The following LRRC4C variants were observed in gnomAD, a reference collection of about 807,000 sequenced individuals.
LRRC4C encodes the protein leucine-rich repeat-containing protein 4C.
LRRC4C carries 5 observed loss-of-function variants against 33.6 expected under a neutral mutation model. That is an observed-to-expected ratio of 0.15 (90% CI 0.08 to 0.31). LRRC4C has a LOEUF of 0.31. Ranked by LOEUF, LRRC4C falls within the 10% of genes least tolerant of loss-of-function variation. LRRC4C has a pLI of 1.00. For synonymous variants in LRRC4C, 329 were observed against 302.0 expected (o/e 1.09, Z -0.93); for missense variants, 560 against 796.7 (o/e 0.70, Z 3.58).
rs144857042 is a variant in LRRC4C at position 40,159,407 on chromosome 11, G to C, written c.-95-18554C>G. The stretch of plus-strand genomic sequence containing the variant: ...TAAGAATAGTCTAAAAATGCAATAA[G>C]AGCCCTTATACAAGGTCACAAACAT... On this transcript the variant is annotated intron_variant, in intron 5 of 6. Coordinates refer to ENST00000528697, the MANE Select transcript of LRRC4C (RefSeq NM_001258419.2). Among the ~76,000 whole-genome samples, 9 of 152,244 alleles carry C rather than the reference G, an allele frequency of 5.9e-5. No individual in the cohort carries two copies. The East Asian group carries it at 1.7e-3, about 29-fold the overall frequency.
chr11:40,595,048 A>G (rs1959200229), intron 3 of LRRC4C, among the ~76,000 whole-genome samples: 1 of 152,120 alleles, frequency 6.6e-6, no homozygotes, highest in Non-Finnish European at 1.5e-5. Context: ...ATATGGGTTT[A>G]TCAGACTTTA....
At chr11:40,490,963 G>T (rs754571000) in intron 3 of LRRC4C, among the ~76,000 whole-genome samples, 11 of 152,038 alleles carry the variant, frequency 7.2e-5, no homozygotes, top group Non-Finnish European at 1.2e-4. Flanking sequence ...GAAAAATTAT[G>T]TGTGGAAATG....
intron 2 of LRRC4C, among the ~76,000 whole-genome samples, chr11:40,746,243 A>G (rs1948412217): frequency 1.3e-5 from 2 of 152,038 alleles, no homozygotes; most frequent in African/African-American, 4.8e-5. Flanking sequence ...CTGTCAGGAG[A>G]CTGTGCAACG....
At chr11:40,416,648 AG>A (rs536809354) in intron 3 of LRRC4C, among the ~76,000 whole-genome samples, 84 of 152,314 alleles carry the variant, frequency 5.5e-4, no homozygotes, top group Non-Finnish European at 1.1e-3. Flanking sequence ...CCTGGCACTA[AG>A]TGACTTGCTG....
At chr11:40,156,822 T>C (rs1398147028) in intron 5 of LRRC4C, among the ~76,000 whole-genome samples, 3 of 152,148 alleles carry the variant, frequency 2.0e-5, no homozygotes, top group Non-Finnish European at 4.4e-5. Context: ...ATGAATATTG[T>C]GAAAATGAGT....
Position 40,690,203 on chromosome 11 carries a change from AT to A in LRRC4C, c.-406-41926del, listed in dbSNP as rs533412622. On this transcript the variant is annotated intron_variant, in intron 2 of 6. Coordinates refer to ENST00000528697, the MANE Select transcript of LRRC4C (RefSeq NM_001258419.2). ...ATTAAGGGCTTACAGTGAACTAGAC[AT>A]TTTTTTATGAGTTTTTCACGTACTT... Among the ~76,000 whole-genome samples the A allele has an allele frequency of 5.3e-3, 813 of 152,144 alleles. 5 individuals carry two copies. Among genetic ancestry groups the A allele is most frequent in the Non-Finnish European group, 7.1e-3 (484 of 67,982 alleles).
chr11:40,645,809 C>A (rs539930656), intron 3 of LRRC4C, among the ~76,000 whole-genome samples: 1 of 152,294 alleles, frequency 6.6e-6, no homozygotes, highest in South Asian at 2.1e-4. Context: ...CCCCAGCTGG[C>A]AGCCTCTCCT....
At chr11:40,887,235 T>C (rs893150573) in intron 2 of LRRC4C, among the ~76,000 whole-genome samples, 2 of 151,844 alleles carry the variant, frequency 1.3e-5, no homozygotes, top group African/African-American at 2.4e-5. Context: ...AAAATCATTA[T>C]TTTTCAAGCC....
intron 1 of LRRC4C, among the ~76,000 whole-genome samples, chr11:41,013,485 C>T (rs144090419): frequency 6.6e-6 from 1 of 152,114 alleles, no homozygotes; most frequent in African/African-American, 2.4e-5. Context: ...GTGAGGCTAG[C>T]GCTGACGTAT....
intron 2 of LRRC4C, among the ~76,000 whole-genome samples, chr11:40,858,602 G>A (rs987362776): frequency 2.0e-5 from 3 of 150,712 alleles, no homozygotes; most frequent in Non-Finnish European, 4.4e-5. Context: ...GCTGAGGCGG[G>A]AGAATTGCTT....
chr11:40,540,864 C>G (rs1956679751), intron 3 of LRRC4C, among the ~76,000 whole-genome samples: 1 of 152,126 alleles, frequency 6.6e-6, no homozygotes, highest in Non-Finnish European at 1.5e-5. Flanking sequence ...GTGCCAGGAA[C>G]TGCACTAGAA....
At chr11:41,141,445 C>A (rs547921283) in intron 1 of LRRC4C, among the ~76,000 whole-genome samples, 1 of 152,218 alleles carries the variant, frequency 6.6e-6, no homozygotes, top group Non-Finnish European at 1.5e-5. Flanking sequence ...TTGCTTATAT[C>A]AATTAGTAAA....
chr11:40,742,665 G>A (rs1214318760), intron 2 of LRRC4C, among the ~76,000 whole-genome samples: 1 of 151,970 alleles, frequency 6.6e-6, no homozygotes, highest in Non-Finnish European at 1.5e-5. Context: ...AAGAGAAAGT[G>A]AAGTTGTTTA....
At chr11:40,743,405 G>C (rs1165329540) in intron 2 of LRRC4C, among the ~76,000 whole-genome samples, 1 of 152,044 alleles carries the variant, frequency 6.6e-6, no homozygotes, top group Non-Finnish European at 1.5e-5. Flanking sequence ...AAGGTCAGAG[G>C]TCTAAAATGG....
At position 40,198,203 on chromosome 11, in the gene LRRC4C, C is replaced by G. The variant is rs139726204; in HGVS notation, c.-96+43316G>C. On this transcript the variant is annotated intron_variant, in intron 5 of 6. Coordinates refer to ENST00000528697, the MANE Select transcript of LRRC4C (RefSeq NM_001258419.2). Reference sequence around the variant, plus strand: ...TGTTAAATGTTTGCAATGACACATTCCTGAACTTTGGTTTCATGTAGACAA... The same window carrying G: ...TGTTAAATGTTTGCAATGACACATTGCTGAACTTTGGTTTCATGTAGACAA... 3.9e-5 allele frequency among the ~76,000 whole-genome samples: 6 copies of G among 152,232 alleles called. No homozygotes were observed. The East Asian group carries it at 1.2e-3, about 29-fold the overall frequency.
intron 1 of LRRC4C, among the ~76,000 whole-genome samples, chr11:41,146,001 C>T (rs1203988539): frequency 1.3e-5 from 2 of 152,142 alleles, no homozygotes; most frequent in Admixed American, 6.6e-5. Context: ...ATACTTCCTT[C>T]ACCATACGCT....
At chr11:40,228,321 C>T (rs1406972721) in intron 5 of LRRC4C, among the ~76,000 whole-genome samples, 1 of 152,134 alleles carries the variant, frequency 6.6e-6, no homozygotes, top group Non-Finnish European at 1.5e-5. Context: ...TCACATTTGC[C>T]ATTGTTTCTG....
chr11:40,637,318 A>G (rs1941815789), intron 3 of LRRC4C, among the ~76,000 whole-genome samples: 1 of 152,242 alleles, frequency 6.6e-6, no homozygotes, highest in African/African-American at 2.4e-5. Context: ...TATGGCAGGC[A>G]ATCTCTAAAT....
At chr11:40,498,416 C>T (rs1590923492) in intron 3 of LRRC4C, among the ~76,000 whole-genome samples, 1 of 152,252 alleles carries the variant, frequency 6.6e-6, no homozygotes. Context: ...AGTTGAACTT[C>T]GTGTAATATT....
Sources: allele counts gnomAD v4.1 joint callset (sites outside exome capture counted in the v4.1 genomes callset), GRCh38; gene constraint gnomAD v4.1.1; transcripts MANE v1.5; gene names NCBI Gene and HGNC (gene_info 2026-07-23, HGNC 2026-07-21).